The following GPC2 variants were observed in gnomAD, a reference collection of about 807,000 sequenced individuals.
The protein encoded by GPC2 is glypican 2.
A neutral mutation model predicts 57.3 loss-of-function variants in GPC2; 42 were observed. That is an observed-to-expected ratio of 0.73 (90% CI 0.57 to 0.95). The LOEUF is 0.95. Ranked by LOEUF, GPC2 falls within the 40% of genes least tolerant of loss-of-function variation. GPC2 has a pLI of 0.00. For missense variants in GPC2, 745 were observed against 793.6 expected (o/e 0.94, Z 0.74); for synonymous variants, 364 against 343.4 (o/e 1.06, Z -0.66).
rs1181978932 is a variant in GPC2 at position 100,177,239 on chromosome 7, A to C, written c.-40T>G. 1.3e-6 allele frequency: 2 copies of C among 1,555,068 alleles called. No homozygotes were observed. Among genetic ancestry groups the C allele is most frequent in the Non-Finnish European group, 1.7e-6 (2 of 1,146,012 alleles). On this transcript the variant is annotated 5_prime_UTR_variant, in exon 1 of 10. Transcript: ENST00000292377. ...CAGGACGGCAAAGTGGGTCCTAAGG[A>C]GGAAAGCAGAGCCTCCCAAACTCGG...
At position 100,171,657 on chromosome 7, in the gene GPC2, G is replaced by T; in HGVS notation, c.1192C>A (p.Leu398Met). ...GCCCAGAAGCCCCGCATCCGGGCCA[G>T]ACGCTCGCGGAGCTCCCACACCTGG... ...HRLVWELRER[L>M]ARMRGFWARL... is the part of the protein sequence containing the mutation. Residue 398 changes from leucine (L) to methionine (M), a missense_variant, in exon 8 of 10, where the codon CTG (leucine) becomes ATG (methionine). This residue lies in a region of GPC2 where 607 missense variants were observed against 603.9 expected (regional missense o/e 1.01). Coordinates refer to ENST00000292377, the MANE Select transcript of GPC2 (RefSeq NM_152742.3). This position sits in a 1 kb window ranked among gnomAD's most constrained non-coding sequence, Gnocchi z 4.8. 1 of 1,509,532 alleles carries T rather than the reference G, an allele frequency of 6.6e-7. No homozygotes were observed. The allele number at this position is 1,509,532 out of a possible 1,614,324, so 93.5% of individuals were successfully genotyped here.
chr7:100,170,632 G>C (rs1035101863), intron 9 of GPC2, 149 bp from the exon 10 acceptor site: 6 of 657,412 alleles, frequency 9.1e-6, no homozygotes, highest in Non-Finnish European at 1.4e-5. Flanking sequence ...GAAAGACCAT[G>C]AGTGACAGGA....
chr7:100,176,190 G>A lies in GPC2; in HGVS notation c.325+17C>T, dbSNP rs771717528. On this transcript the variant is annotated intron_variant, in intron 2 of 9. Coordinates refer to ENST00000292377, the MANE Select transcript of GPC2 (RefSeq NM_152742.3). ...AGAGGAGCTGTGAAGCTGAGTTTGGGGACCCCAGGTCCTCACCATCAAATT... is the reference window on the plus strand; with the variant it reads ...AGAGGAGCTGTGAAGCTGAGTTTGGAGACCCCAGGTCCTCACCATCAAATT... The A allele has an allele frequency of 2.3e-5, 36 of 1,586,860 alleles. 1 individual carries two copies. Among genetic ancestry groups the A allele is most frequent in the Non-Finnish European group, 2.8e-5 (33 of 1,165,418 alleles).
intron 3 of GPC2, 114 bp downstream of exon 3, chr7:100,175,458 G>A: frequency 1.3e-6 from 1 of 789,884 alleles, no homozygotes; most frequent in Admixed American, 2.5e-5. Context: ...AATGCAGGAT[G>A]GGGGATCACC....
At position 100,174,392 on chromosome 7, in the gene GPC2, T is replaced by C. The variant is rs1338689205; in HGVS notation, c.729+293A>G. 9.5e-6 allele frequency: 5 copies of C among 527,174 alleles called. No individual in the cohort carries two copies. The South Asian group carries it at 1.0e-4, about 11-fold the overall frequency. 32.7% of individuals were successfully genotyped at this position (527,174 alleles called of 1,614,324 possible). On this transcript the variant is annotated intron_variant, in intron 4 of 9. Coordinates refer to ENST00000292377, the MANE Select transcript of GPC2 (RefSeq NM_152742.3). ...GAGTCATTGAGGGATCCTGGGGGGT[T>C]GGGCGGGGGCAGTATCCAATCTCCT...
intron 5 of GPC2, chr7:100,173,443 C>CTT (rs56196002): frequency 1.6e-4 from 22 of 141,878 alleles, no homozygotes; most frequent in Non-Finnish European, 2.6e-4. Flanking sequence ...TAATTTCTTT[C>CTT]TTTTTTTTTT....
rs779093527 is a variant in GPC2, at chr7:100,171,908, G to T, written c.1041C>A (p.Gly347=). The T allele has an allele frequency of 2.0e-6, 3 of 1,496,828 alleles. No homozygotes were observed. The highest frequency in any genetic ancestry group is 2.8e-5 in the African/African-American group (2 of 71,918). The allele number at this position is 1,496,828 out of a possible 1,614,324, so 92.7% of individuals were successfully genotyped here. Residue 347 remains glycine, a synonymous_variant, in exon 7 of 10, where the codon GGC becomes GGA. Transcript: ENST00000292377. This position sits in a 1 kb window ranked among gnomAD's most constrained non-coding sequence, Gnocchi z 4.8. The part of the protein sequence containing the change: ...KVSAQVFQEC[G]PPDPVPARNR... ...TGCGGGCAGGCACCGGGTCGGGGGG[G>T]CCGCACTCCTGAAACACCTGCGGCA...
chr7:100,172,744 T>C lies in GPC2; in HGVS notation c.893-527A>G, dbSNP rs192468806. Among the ~76,000 whole-genome samples the C allele has an allele frequency of 1.1e-4, 16 of 145,210 alleles. No individual in the cohort carries two copies. In the East Asian group the frequency reaches 2.4e-3, roughly 22 times the overall value. ...ACACGTATATATATGTGTATATATA[T>C]GTGTGTATATATATGTGTGTATATA... On this transcript the variant is annotated intron_variant, in intron 5 of 9. Coordinates refer to ENST00000292377, the MANE Select transcript of GPC2 (RefSeq NM_152742.3).
intron 4 of GPC2, 70 bp from the exon 5 acceptor site, chr7:100,174,067 G>A (rs953212076): frequency 5.1e-6 from 7 of 1,383,406 alleles, no homozygotes; most frequent in Non-Finnish European, 6.7e-6. Flanking sequence ...TTGGTGCTGG[G>A]CACAGACAGA....
chr7:100,175,042 T>G (rs1303760303), intron 3 of GPC2, among the ~76,000 whole-genome samples: 2 of 152,122 alleles, frequency 1.3e-5, no homozygotes, highest in Non-Finnish European at 2.9e-5. Flanking sequence ...ACACTGAACT[T>G]GAAGCCAGAA....
At chr7:100,174,829 C>A in intron 3 of GPC2, 64 bp from the exon 4 acceptor site, 1 of 1,222,776 alleles carries the variant, frequency 8.2e-7, no homozygotes, top group South Asian at 1.3e-5. Context: ...AAGACTGGAG[C>A]CAAGAGACTG....
rs947207791 is a variant in GPC2, at chr7:100,170,069, C to G, written c.*161G>C. ...ATAAATATTGTGAACACCCACCCAC[C>G]TCTGATGAAAATCTCCTGGATTTGG... On this transcript the variant is annotated 3_prime_UTR_variant, in exon 10 of 10. Transcript: ENST00000292377. 1.7e-6 allele frequency: 1 copy of G among 603,430 alleles called. No individual in the cohort carries two copies. Among genetic ancestry groups the G allele is most frequent in the Non-Finnish European group, 2.8e-6 (1 of 361,232 alleles). 37.4% of individuals were successfully genotyped at this position (603,430 alleles called of 1,614,324 possible). A position where few individuals can be genotyped will look rare whatever the true frequency, so the allele number is the denominator to read the frequency against.
chr7:100,171,478 G>A lies in GPC2; in HGVS notation c.1311-42C>T. On this transcript the variant is annotated intron_variant, in intron 8 of 9. Transcript: ENST00000292377. This position sits in a 1 kb window ranked among gnomAD's most constrained non-coding sequence, Gnocchi z 4.8. The stretch of plus-strand genomic sequence containing the variant: ...CCCGAAGCGCCAGCTAGCGCGCGCG[G>A]CCCCGCCCCTCCCGGCCGCGGTCCC... 9.6e-6 allele frequency: 13 copies of A among 1,351,428 alleles called. No homozygotes were observed. The highest frequency in any genetic ancestry group is 1.2e-5 in the Non-Finnish European group (13 of 1,057,780). 83.7% of individuals were successfully genotyped at this position (1,351,428 alleles called of 1,614,324 possible). A position where few individuals can be genotyped will look rare whatever the true frequency, so the allele number is the denominator to read the frequency against.
chr7:100,170,203 T>C lies in GPC2; in HGVS notation c.*27A>G, dbSNP rs781590863. The C allele has an allele frequency of 4.6e-6, 7 of 1,531,446 alleles. No individual in the cohort carries two copies. In the African/African-American group the frequency reaches 8.3e-5, roughly 18 times the overall value. The allele number at this position is 1,531,446 out of a possible 1,614,324, so 94.9% of individuals were successfully genotyped here. A position where few individuals can be genotyped will look rare whatever the true frequency, so the allele number is the denominator to read the frequency against. On this transcript the variant is annotated 3_prime_UTR_variant, in exon 10 of 10. Transcript: ENST00000292377. Reference sequence around the variant, plus strand: ...GAGGAGGGGAAAGGGCCATGAACCCTTCTGATGCTAGGGCACCCCTCCCCC... The same window carrying C: ...GAGGAGGGGAAAGGGCCATGAACCCCTCTGATGCTAGGGCACCCCTCCCCC...
chr7:100,171,126 A>G lies in GPC2; in HGVS notation c.1486+135T>C, dbSNP rs1202531980. The stretch of plus-strand genomic sequence containing the variant: ...CCCCAGTCTTTCAGGGCAACGCTCA[A>G]TAAATGCTCGTTGAATGAATTAGTG... On this transcript the variant is annotated intron_variant, in intron 9 of 9. Coordinates refer to ENST00000292377, the MANE Select transcript of GPC2 (RefSeq NM_152742.3). The surrounding 1 kb of genome is among the most constrained non-coding windows in gnomAD (Gnocchi z 4.8). 4 of 818,438 alleles carry G rather than the reference A, an allele frequency of 4.9e-6. No homozygotes were observed. The highest frequency in any genetic ancestry group is 3.5e-5 in the Admixed American group (1 of 28,530). The allele number at this position is 818,438 out of a possible 1,614,324, so 50.7% of individuals were successfully genotyped here.
intron 5 of GPC2, among the ~76,000 whole-genome samples, chr7:100,172,790 T>TATAC (rs1799207258): frequency 6.7e-6 from 1 of 148,556 alleles, no homozygotes; most frequent in Admixed American, 6.8e-5. Context: ...TGTATATATA[T>TATAC]ACGTATATAT....
chr7:100,170,226 C>G lies in GPC2; in HGVS notation c.*4G>C, dbSNP rs1435595505. 5 of 1,547,710 alleles carry G rather than the reference C, an allele frequency of 3.2e-6. No individual in the cohort carries two copies. The highest frequency in any genetic ancestry group is 1.4e-5 in the African/African-American group (1 of 73,010). ...CCTTCTGATGCTAGGGCACCCCTCC[C>G]CCGTTATCGAGGTCCAAGCAGGGCC... On this transcript the variant is annotated 3_prime_UTR_variant, in exon 10 of 10. Coordinates refer to ENST00000292377, the MANE Select transcript of GPC2 (RefSeq NM_152742.3).
chr7:100,172,854 G>T (rs1201954401), intron 5 of GPC2, among the ~76,000 whole-genome samples: 1 of 149,374 alleles, frequency 6.7e-6, no homozygotes, highest in Admixed American at 6.7e-5. Context: ...GTAGAGAAGG[G>T]GTTTCACCAT....
Position 100,170,045 on chromosome 7 carries a change from T to G in GPC2, c.*185A>C. 9.7e-6 allele frequency: 4 copies of G among 413,954 alleles called. No individual in the cohort carries two copies. The highest frequency in any genetic ancestry group is 4.1e-5 in the East Asian group (1 of 24,676). 25.6% of individuals were successfully genotyped at this position (413,954 alleles called of 1,614,324 possible). A position where few individuals can be genotyped will look rare whatever the true frequency, so the allele number is the denominator to read the frequency against. ...CCCCTCCCATTACCAAATGAAAAAA[T>G]AAATATTGTGAACACCCACCCACCT... On this transcript the variant is annotated 3_prime_UTR_variant, in exon 10 of 10. Transcript: ENST00000292377.
Sources: allele counts gnomAD v4.1 joint callset (sites outside exome capture counted in the v4.1 genomes callset), GRCh38; gene constraint gnomAD v4.1.1; regional missense constraint gnomAD v4.1.1; non-coding constraint Gnocchi (gnomAD v3.1); transcripts MANE v1.5; gene names NCBI Gene and HGNC (gene_info 2026-07-23, HGNC 2026-07-21).